CAMSAP1: variants seen among roughly 807,000 people sequenced by gnomAD.
CAMSAP1 encodes calmodulin-regulated spectrin-associated protein 1.
Under a neutral mutation model 143.5 loss-of-function variants are expected in CAMSAP1, and 58 were observed. That is an observed-to-expected ratio of 0.40 (90% CI 0.33 to 0.50). The LOEUF (loss-of-function observed/expected upper bound fraction) is 0.50, where lower values mean the gene tolerates loss of function less well. Among genes scored for constraint, CAMSAP1 ranks in the 20% least tolerant of loss-of-function variants. CAMSAP1 has a pLI of 0.45. For synonymous variants in CAMSAP1, 945 were observed against 859.3 expected, an observed-to-expected ratio of 1.10 and a Z score of -1.74; for missense variants, 1,969 against 2,115.7, an observed-to-expected ratio of 0.93 and a Z score of 1.36.
At chr9:135,873,270 TAA>T (rs1380849937) in intron 3 of CAMSAP1, among the ~76,000 whole-genome samples, 1 of 152,096 alleles carries the variant, frequency 6.6e-6, no homozygotes, top group Non-Finnish European at 1.5e-5. Context: ...CAAAATATTT[TAA>T]AGAGAATGAT....
At chr9:135,866,651 T>C (rs1588487140) in intron 3 of CAMSAP1, 115 bp from the exon 4 acceptor site, 1 of 638,708 alleles carries the variant, frequency 1.6e-6, no homozygotes, top group East Asian at 2.8e-5. Context: ...CTCCTAGACA[T>C]AGGTATTGTT....
intron 5 of CAMSAP1, among the ~76,000 whole-genome samples, chr9:135,856,529 G>C (rs1479417133): frequency 2.0e-5 from 3 of 152,118 alleles, no homozygotes; most frequent in Non-Finnish European, 2.9e-5. Flanking sequence ...TGTGGCCTCG[G>C]TAAGAGAACA....
At chr9:135,871,309 C>T (rs368441280) in intron 3 of CAMSAP1, among the ~76,000 whole-genome samples, 74 of 152,270 alleles carry the variant, frequency 4.9e-4, no homozygotes, top group Admixed American at 2.2e-3. Context: ...CTGCTTCGGT[C>T]TCCCAAGTAG....
chr9:135,827,550 A>T lies in CAMSAP1; in HGVS notation c.1080T>A (p.Pro360=). The T allele has an allele frequency of 6.2e-7, 1 of 1,605,536 alleles. No homozygotes were observed. The highest frequency in any genetic ancestry group is 8.5e-7 in the Non-Finnish European group (1 of 1,173,466). Residue 360 remains proline (P), a synonymous_variant, in exon 8 of 17, where the codon CCT becomes CCA. Transcript: ENST00000389532. ...TGGTCGCGTTGGAGATCGGTACAGGAGGCCGGCTGCTCTTCTGGTGTAACA... is the reference window on the plus strand; with the variant it reads ...TGGTCGCGTTGGAGATCGGTACAGGTGGCCGGCTGCTCTTCTGGTGTAACA... ...KTVLHQKSSR[P]PVPISNATKR...
intron 7 of CAMSAP1, among the ~76,000 whole-genome samples, chr9:135,839,616 C>T (rs1488746834): frequency 6.6e-6 from 1 of 152,190 alleles, no homozygotes; most frequent in East Asian, 1.9e-4. Context: ...TGTACGCCTG[C>T]TGACAGTGTG....
intron 1 of CAMSAP1, among the ~76,000 whole-genome samples, chr9:135,885,285 G>A (rs1227620919): frequency 6.6e-6 from 1 of 152,122 alleles, no homozygotes; most frequent in Admixed American, 6.5e-5. Flanking sequence ...TTCTGGCCCT[G>A]ATCACTTCCC....
rs1383783756 is a variant in CAMSAP1, at chr9:135,824,066, T to C, written c.1316-32A>G. The C allele has an allele frequency of 2.0e-6, 3 of 1,532,604 alleles. No homozygotes were observed. The highest frequency in any genetic ancestry group is 3.9e-5 in the Admixed American group (2 of 51,294). The allele number at this position is 1,532,604 out of a possible 1,614,324, so 94.9% of individuals were successfully genotyped here. On this transcript the variant is annotated intron_variant, in intron 9 of 16. Coordinates refer to ENST00000389532, the MANE Select transcript of CAMSAP1 (RefSeq NM_015447.4). The surrounding 1 kb of genome is among the most constrained non-coding windows in gnomAD (Gnocchi z 4.1). ...TACAGAGGAATTAGATAGTGTTAAG[T>C]AACCAATTTTCTATCACTTGAAATT... is the stretch of plus-strand genomic sequence containing the variant.
chr9:135,830,891 C>G (rs1478440313), intron 7 of CAMSAP1, among the ~76,000 whole-genome samples: 1 of 152,184 alleles, frequency 6.6e-6, no homozygotes, highest in Non-Finnish European at 1.5e-5. Context: ...AGCAAGAAGG[C>G]CAGGCGCAGT....
At chr9:135,855,747 TTAAAAA>T (rs1363893327) in intron 5 of CAMSAP1, among the ~76,000 whole-genome samples, 71 of 107,350 alleles carry the variant, frequency 6.6e-4, no homozygotes, top group Middle Eastern at 7.5e-3. Context: ...TCATCTCAAT[TTAAAAA>T]AAAAAAAAAA....
At chr9:135,858,842 G>A (rs1383145834) in intron 5 of CAMSAP1, among the ~76,000 whole-genome samples, 2 of 152,234 alleles carry the variant, frequency 1.3e-5, no homozygotes, top group Non-Finnish European at 2.9e-5. Context: ...AAAACCTGGA[G>A]TCTGATGTCC....
At chr9:135,855,828 G>A (rs1016302591) in intron 5 of CAMSAP1, among the ~76,000 whole-genome samples, 24 of 151,830 alleles carry the variant, frequency 1.6e-4, no homozygotes, top group South Asian at 4.2e-4. Flanking sequence ...CGAGGCGGGC[G>A]GATCACAAGG....
At chr9:135,835,744 C>T (rs928938226) in intron 7 of CAMSAP1, among the ~76,000 whole-genome samples, 4 of 152,128 alleles carry the variant, frequency 2.6e-5, no homozygotes, top group Non-Finnish European at 2.9e-5. Flanking sequence ...TTTGGGAAGC[C>T]GGAAAAGGCA....
At position 135,810,306 on chromosome 9, in the gene CAMSAP1, C is replaced by T. The variant is rs990903786; in HGVS notation, c.*1003G>A. On this transcript the variant is annotated 3_prime_UTR_variant, in exon 17 of 17. Coordinates refer to ENST00000389532, the MANE Select transcript of CAMSAP1 (RefSeq NM_015447.4). ...AACGGCACGCTCCTCTGAGAGCATG[C>T]AGCGCTTCCAGATGCAGAATCCAGA... 14 of 152,250 alleles carry T rather than the reference C, an allele frequency of 9.2e-5. No homozygotes were observed. Among genetic ancestry groups the T allele is most frequent in the African/African-American group, 3.1e-4 (13 of 41,466 alleles). The allele number at this position is 152,250 out of a possible 1,614,324, so 9.4% of individuals were successfully genotyped here. A position where few individuals can be genotyped will look rare whatever the true frequency, so the allele number is the denominator to read the frequency against.
In CAMSAP1 at chr9:135,834,964, G is replaced by A. The variant is rs117356461; in HGVS notation, c.1046-7380C>T. 9.8e-4 allele frequency among the ~76,000 whole-genome samples: 149 copies of A among 152,228 alleles called. No individual in the cohort carries two copies. In the East Asian group the frequency reaches 0.013, roughly 14 times the overall value. On this transcript the variant is annotated intron_variant, in intron 7 of 16. Transcript: ENST00000389532. The stretch of plus-strand genomic sequence containing the variant: ...TGACATCCAACAAAGCCCTTGCCTG[G>A]GAGAAAAGGGCCACATACCCACACA...
At chr9:135,878,141 T>C (rs955007241) in intron 3 of CAMSAP1, among the ~76,000 whole-genome samples, 6 of 152,094 alleles carry the variant, frequency 3.9e-5, no homozygotes, top group African/African-American at 1.4e-4. Context: ...CATTAGCCTT[T>C]CCTCAGACGG....
intron 3 of CAMSAP1, among the ~76,000 whole-genome samples, chr9:135,868,320 A>G (rs1003655923): frequency 4.6e-5 from 7 of 152,210 alleles, no homozygotes; most frequent in Non-Finnish European, 8.8e-5. Flanking sequence ...CTGTGGTCCA[A>G]ATGACATCAG....
intron 5 of CAMSAP1, among the ~76,000 whole-genome samples, chr9:135,857,493 T>C (rs536788888): frequency 5.9e-5 from 9 of 152,332 alleles, no homozygotes; most frequent in East Asian, 5.8e-4. Flanking sequence ...GATGATTCTG[T>C]ACACAGTTAT....
At chr9:135,900,535 A>T (rs1838584694) in intron 1 of CAMSAP1, among the ~76,000 whole-genome samples, 1 of 151,722 alleles carries the variant, frequency 6.6e-6, no homozygotes, top group Non-Finnish European at 1.5e-5. Context: ...CTATTAAAAC[A>T]ATACAAAAAA....
At chr9:135,899,463 C>T (rs897299088) in intron 1 of CAMSAP1, among the ~76,000 whole-genome samples, 1 of 151,400 alleles carries the variant, frequency 6.6e-6, no homozygotes, top group Non-Finnish European at 1.5e-5. Flanking sequence ...TCACTTTATA[C>T]CTTACAATGG....
Sources: allele counts gnomAD v4.1 joint callset (sites outside exome capture counted in the v4.1 genomes callset), GRCh38; gene constraint gnomAD v4.1.1; non-coding constraint Gnocchi (gnomAD v3.1); transcripts MANE v1.5; gene names NCBI Gene and HGNC (gene_info 2026-07-23, HGNC 2026-07-21).